Variants in KCNN3 observed in about 807,000 individuals in gnomAD.
The protein encoded by KCNN3 is small conductance calcium-activated potassium channel protein 3.
Under a neutral mutation model 62.9 loss-of-function variants are expected in KCNN3, and 16 were observed. The ratio of observed to expected loss-of-function variants is 0.25; its 90% CI spans 0.17 to 0.39. KCNN3 has a LOEUF of 0.39. Among genes scored for constraint, KCNN3 ranks in the 10% least tolerant of loss-of-function variants. The pLI is 1.00. For synonymous variants in KCNN3, 370 were observed against 389.2 expected (o/e 0.95, Z 0.58); for missense variants, 599 against 949.4 (o/e 0.63, Z 4.85).
Position 154,772,057 on chromosome 1 carries a change from T to A in KCNN3, c.1366A>T (p.Thr456Ser). 6.2e-7 allele frequency: 1 copy of A among 1,613,732 alleles called. No individual in the cohort carries two copies. The highest frequency in any genetic ancestry group is 8.5e-7 in the Non-Finnish European group (1 of 1,179,912). The change falls in exon 3 of 8, where the codon ACC (threonine) becomes TCC (serine). Residue 456 changes from threonine (T) to serine (S), a missense_variant. Thr to Ser is a moderately conservative substitution (Grantham distance 58). Transcript: ENST00000271915. The surrounding 1 kb of genome is among the most constrained non-coding windows in gnomAD (Gnocchi z 5.6). ...NTRFVMKTLM[T>S]ICPGTVLLVF... ...AGCAGCACAGTGCCAGGGCAGATGG[T>A]CATGAGCGTCTTCATGACAAAGCGG...
At chr1:154,756,842 GA>G (rs1215244040) in intron 3 of KCNN3, among the ~76,000 whole-genome samples, 3 of 152,076 alleles carry the variant, frequency 2.0e-5, no homozygotes. Context: ...GCCCATGAGG[GA>G]AAAAATCATG....
Position 154,863,966 on chromosome 1 carries a change from T to C in KCNN3, c.933+5066A>G, listed in dbSNP as rs560352375. On this transcript the variant is annotated intron_variant, in intron 1 of 7. Transcript: ENST00000271915. ...AGATGTTTGACTCATTTACAGACTG[T>C]CCACAAAGATTATAAATAAAGTCAC... Among the ~76,000 whole-genome samples, 5 of 152,316 alleles carry C rather than the reference T, an allele frequency of 3.3e-5. No homozygotes were observed. In the East Asian group the frequency reaches 5.8e-4, roughly 18 times the overall value.
chr1:154,758,159 G>A (rs1026725722), intron 3 of KCNN3, among the ~76,000 whole-genome samples: 4 of 152,174 alleles, frequency 2.6e-5, no homozygotes, highest in African/African-American at 9.7e-5. Context: ...AGAGCTGTCT[G>A]CAAATGGATT....
chr1:154,708,288 G>A lies in KCNN3; in HGVS notation c.1900-16C>T, dbSNP rs1416017924. 6.2e-7 allele frequency: 1 copy of A among 1,612,568 alleles called. No homozygotes were observed. The highest frequency in any genetic ancestry group is 2.2e-5 in the East Asian group (1 of 44,882). ...CATTCTGCATCTGTGTGGAGAGAGA[G>A]AGGCGAGAGACAGGGAGATGACAGG... On this transcript the variant is annotated splice_polypyrimidine_tract_variant and intron_variant, in intron 7 of 7. Transcript: ENST00000271915.
chr1:154,752,392 C>A (rs935027224), intron 3 of KCNN3, among the ~76,000 whole-genome samples: 1 of 140,800 alleles, frequency 7.1e-6, no homozygotes, highest in Non-Finnish European at 1.6e-5. Flanking sequence ...AAGCACTGAG[C>A]AGATGAAGGA....
chr1:154,749,197 T>C (rs1009506030), intron 3 of KCNN3, among the ~76,000 whole-genome samples: 7 of 152,226 alleles, frequency 4.6e-5, no homozygotes, highest in African/African-American at 1.7e-4. Context: ...GGTTGCGCAC[T>C]GTGCAACTCC....
intron 1 of KCNN3, among the ~76,000 whole-genome samples, chr1:154,849,746 C>T (rs1481133380): frequency 6.6e-6 from 1 of 152,222 alleles, no homozygotes; most frequent in Admixed American, 6.5e-5. Flanking sequence ...CGCATTCATC[C>T]TCATAACAAG....
intron 1 of KCNN3, among the ~76,000 whole-genome samples, chr1:154,858,104 C>T (rs557737970): frequency 4.6e-5 from 7 of 152,250 alleles, no homozygotes; most frequent in South Asian, 4.2e-4. Flanking sequence ...GTGTGCACCC[C>T]GTCAGGTGTC....
Position 154,772,558 on chromosome 1 carries a change from G to C in KCNN3, c.1030-165C>G, listed in dbSNP as rs1363021448. ...TTGCTATGTGGCAAGAGCCCTGTAT[G>C]TGGAGTAGGGAGAGCTGGATTCAGT... On this transcript the variant is annotated intron_variant, in intron 2 of 7. Coordinates refer to ENST00000271915, the MANE Select transcript of KCNN3 (RefSeq NM_002249.6). The surrounding 1 kb of genome is among the most constrained non-coding windows in gnomAD (Gnocchi z 5.6). Among the ~76,000 whole-genome samples the C allele has an allele frequency of 2.0e-5, 3 of 152,246 alleles. No homozygotes were observed. The East Asian group carries it at 5.8e-4, about 29-fold the overall frequency.
At chr1:154,864,177 A>C (rs760048505) in intron 1 of KCNN3, among the ~76,000 whole-genome samples, 16 of 152,194 alleles carry the variant, frequency 1.1e-4, no homozygotes, top group Non-Finnish European at 1.9e-4. Context: ...CTGGTCCTGC[A>C]GGTCACCCCA....
At chr1:154,751,409 C>G (rs1049826605) in intron 3 of KCNN3, among the ~76,000 whole-genome samples, 1 of 152,184 alleles carries the variant, frequency 6.6e-6, no homozygotes, top group African/African-American at 2.4e-5. Context: ...TGTGGCATCC[C>G]GTGCAGACAA....
chr1:154,844,586 C>G (rs1187106984), intron 1 of KCNN3, among the ~76,000 whole-genome samples: 2 of 152,222 alleles, frequency 1.3e-5, no homozygotes, highest in African/African-American at 4.8e-5. Flanking sequence ...ACAACAAAAC[C>G]CCCACTCTGG....
chr1:154,836,513 C>A (rs989551362), intron 1 of KCNN3, among the ~76,000 whole-genome samples: 1 of 152,248 alleles, frequency 6.6e-6, no homozygotes, highest in African/African-American at 2.4e-5. Context: ...TGAGCAGGGA[C>A]GTGGGCCTCC....
At chr1:154,851,683 C>T (rs779575747) in intron 1 of KCNN3, among the ~76,000 whole-genome samples, 1 of 152,180 alleles carries the variant, frequency 6.6e-6, no homozygotes, top group Non-Finnish European at 1.5e-5. Context: ...AAGGGTCCAG[C>T]CACTTTTTAC....
intron 1 of KCNN3, among the ~76,000 whole-genome samples, chr1:154,864,005 C>T (rs1254039506): frequency 6.6e-6 from 1 of 152,220 alleles, no homozygotes; most frequent in Non-Finnish European, 1.5e-5. Context: ...CACCCTGGGG[C>T]GGGTGGCGGA....
intron 3 of KCNN3, among the ~76,000 whole-genome samples, chr1:154,735,497 C>G (rs903756068): frequency 9.8e-5 from 15 of 152,304 alleles, no homozygotes; most frequent in African/African-American, 3.6e-4. Context: ...ACTTGCTCCC[C>G]AGGGATGCTC....
At chr1:154,725,700 T>C (rs1295358714) in intron 5 of KCNN3, among the ~76,000 whole-genome samples, 2 of 152,084 alleles carry the variant, frequency 1.3e-5, no homozygotes, top group African/African-American at 2.4e-5. Context: ...TGTGCCACCA[T>C]GCCCAGCTAA....
intron 1 of KCNN3, among the ~76,000 whole-genome samples, chr1:154,826,510 C>G (rs1185822746): frequency 6.6e-6 from 1 of 152,278 alleles, no homozygotes; most frequent in African/African-American, 2.4e-5. Flanking sequence ...TTTGCAAAAG[C>G]CAGGTTTTAC....
intron 3 of KCNN3, among the ~76,000 whole-genome samples, chr1:154,759,236 G>A (rs955974095): frequency 4.3e-4 from 65 of 152,240 alleles, no homozygotes; most frequent in African/African-American, 1.5e-3. Flanking sequence ...ACAGGGGGGT[G>A]AAGAGCTGCG....
Sources: gnomAD v4.1 joint callset for allele counts (sites outside exome capture counted in the v4.1 genomes callset) on GRCh38, gnomAD v4.1.1 for gene constraint, Gnocchi (gnomAD v3.1) non-coding constraint, MANE v1.5 for transcripts, NCBI Gene and HGNC (gene_info 2026-07-23, HGNC 2026-07-21) for gene names.